The following CBFA2T2 variants were observed in gnomAD, a reference collection of about 807,000 sequenced individuals.
CBFA2T2 encodes protein CBFA2T2.
A neutral mutation model predicts 62.2 loss-of-function variants in CBFA2T2; 11 were observed. That is an observed-to-expected ratio of 0.18 (90% CI 0.11 to 0.29). CBFA2T2 has a LOEUF of 0.29. Among genes scored for constraint, CBFA2T2 ranks in the 10% least tolerant of loss-of-function variants. CBFA2T2 has a pLI of 1.00. For synonymous variants in CBFA2T2, 295 were observed against 287.5 expected (o/e 1.03, Z -0.27); for missense variants, 592 against 774.1 (o/e 0.76, Z 2.79).
intron 1 of CBFA2T2, among the ~76,000 whole-genome samples, chr20:33,530,050 G>A (rs902088238): frequency 6.6e-6 from 1 of 151,910 alleles, no homozygotes; most frequent in Non-Finnish European, 1.5e-5. Context: ...GCCTTCCAAA[G>A]TGCTGGGATT....
chr20:33,535,532 G>C (rs373934714), intron 1 of CBFA2T2, among the ~76,000 whole-genome samples: 1 of 151,092 alleles, frequency 6.6e-6, no homozygotes. Context: ...TGGCTTAGCT[G>C]TCCTGGGGTC....
chr20:33,611,433 T>C (rs1389594565), intron 3 of CBFA2T2, 98 bp downstream of exon 3: 2 of 1,397,596 alleles, frequency 1.4e-6, no homozygotes, highest in Non-Finnish European at 2.0e-6. Flanking sequence ...TTCAAACCCA[T>C]GGTCATATGG....
chr20:33,629,938 C>A, intron 8 of CBFA2T2, 24 bp downstream of exon 8: 1 of 1,571,510 alleles, frequency 6.4e-7, no homozygotes, highest in Admixed American at 2.0e-5. Flanking sequence ...CTACGGGAAA[C>A]CCAAAATAAA....
Position 33,644,960 on chromosome 20 carries a change from C to T in CBFA2T2, c.*314C>T. ...TTCAGTGTAGACCACCAGCTCCCCTCCCCATCTCCTTGAGTCAGCAGACTG... is the reference window on the plus strand; with the variant it reads ...TTCAGTGTAGACCACCAGCTCCCCTTCCCATCTCCTTGAGTCAGCAGACTG... On this transcript the variant is annotated 3_prime_UTR_variant, in exon 11 of 11. Coordinates refer to ENST00000342704, the MANE Select transcript of CBFA2T2 (RefSeq NM_001032999.3). 9.4e-6 allele frequency: 3 copies of T among 318,992 alleles called. No individual in the cohort carries two copies. Among genetic ancestry groups the T allele is most frequent in the Non-Finnish European group, 1.8e-5 (3 of 171,372 alleles). The allele number at this position is 318,992 out of a possible 1,614,324, so 19.8% of individuals were successfully genotyped here.
At chr20:33,507,990 G>C (rs1444270018) in intron 1 of CBFA2T2, among the ~76,000 whole-genome samples, 1 of 152,136 alleles carries the variant, frequency 6.6e-6, no homozygotes, top group Non-Finnish European at 1.5e-5. Flanking sequence ...AGGTTTATGA[G>C]TGTGAGGGGG....
At chr20:33,636,592 T>G (rs568569330) in intron 8 of CBFA2T2, 48 bp from the exon 9 acceptor site, 2 of 1,367,892 alleles carry the variant, frequency 1.5e-6, no homozygotes, top group South Asian at 2.4e-5. Context: ...ATAAAACTGC[T>G]GATCATAGAC....
Position 33,529,246 on chromosome 20 carries a change from T to C in CBFA2T2, c.34+38945T>C, listed in dbSNP as rs539436857. 3.3e-5 allele frequency among the ~76,000 whole-genome samples: 5 copies of C among 151,968 alleles called. No individual in the cohort carries two copies. The East Asian group carries it at 9.8e-4, about 30-fold the overall frequency. On this transcript the variant is annotated intron_variant, in intron 1 of 10. Transcript: ENST00000342704. ...TTCACTGTGTTAGCCAGGATGGTCT[T>C]GATCTCCTGACCTCGTGATCCGCCC...
intron 8 of CBFA2T2, among the ~76,000 whole-genome samples, chr20:33,633,930 T>C (rs1224427202): frequency 6.6e-6 from 1 of 152,234 alleles, no homozygotes; most frequent in Non-Finnish European, 1.5e-5. Context: ...TATGAACTGG[T>C]CAGCCATCTA....
At chr20:33,507,129 G>C (rs929528502) in intron 1 of CBFA2T2, among the ~76,000 whole-genome samples, 1 of 152,108 alleles carries the variant, frequency 6.6e-6, no homozygotes, top group Non-Finnish European at 1.5e-5. Flanking sequence ...ATACTAGAAG[G>C]TGGACTATAA....
chr20:33,592,317 C>A (rs953902643), intron 1 of CBFA2T2, among the ~76,000 whole-genome samples: 3 of 150,570 alleles, frequency 2.0e-5, no homozygotes, highest in African/African-American at 7.3e-5. Flanking sequence ...GAGCCAAGAT[C>A]ATGTCACTGC....
chr20:33,552,422 A>G (rs1403454338), intron 1 of CBFA2T2, among the ~76,000 whole-genome samples: 1 of 152,194 alleles, frequency 6.6e-6, no homozygotes, highest in African/African-American at 2.4e-5. Flanking sequence ...TAATTGGCTT[A>G]GTAATTGAAT....
intron 3 of CBFA2T2, among the ~76,000 whole-genome samples, chr20:33,619,195 C>T (rs900258072): frequency 6.6e-6 from 1 of 151,950 alleles, no homozygotes; most frequent in African/African-American, 2.4e-5. Flanking sequence ...GACAACATAG[C>T]GAGACTGCAT....
chr20:33,607,077 A>G lies in CBFA2T2; in HGVS notation c.156A>G (p.Pro52=), dbSNP rs1196097512. ...CAATAAATCCTGGAGGACCGAGGCC[A>G]GTGTCCTTCACTCCTACTGCATGTG... ...LPPINPGGPR[P]VSFTPTALSN... Residue 52 remains proline, a synonymous_variant, in exon 2 of 11, where the codon CCA becomes CCG. Transcript: ENST00000342704. The G allele has an allele frequency of 3.1e-6, 5 of 1,613,904 alleles. No homozygotes were observed. The African/African-American group carries it at 6.7e-5, about 22-fold the overall frequency.
At chr20:33,514,005 A>G (rs954804101) in intron 1 of CBFA2T2, among the ~76,000 whole-genome samples, 9 of 147,956 alleles carry the variant, frequency 6.1e-5, no homozygotes, top group Non-Finnish European at 1.0e-4. Flanking sequence ...GGTTCCAGCA[A>G]TTCTCCTACC....
chr20:33,619,744 A>G, intron 4 of CBFA2T2, 138 bp downstream of exon 4: 1 of 585,224 alleles, frequency 1.7e-6, no homozygotes, highest in Middle Eastern at 4.7e-4. Flanking sequence ...GTCTGAGTGC[A>G]GTTAACAGAT....
intron 4 of CBFA2T2, among the ~76,000 whole-genome samples, chr20:33,622,040 A>G (rs1476279965): frequency 6.6e-6 from 1 of 152,234 alleles, no homozygotes; most frequent in African/African-American, 2.4e-5. Flanking sequence ...ATCATGGGAC[A>G]CATGTCAGCC....
intron 1 of CBFA2T2, among the ~76,000 whole-genome samples, chr20:33,584,810 G>A (rs2014293872): frequency 6.6e-6 from 1 of 152,198 alleles, no homozygotes; most frequent in Non-Finnish European, 1.5e-5. Context: ...TATAGAGCTT[G>A]AGCCACTGTT....
chr20:33,574,597 C>T (rs1023028762), intron 1 of CBFA2T2, among the ~76,000 whole-genome samples: 2 of 152,212 alleles, frequency 1.3e-5, no homozygotes, highest in Non-Finnish European at 2.9e-5. Context: ...TGCACTCCAG[C>T]CTGGGAAACG....
At chr20:33,520,751 C>T (rs997864597) in intron 1 of CBFA2T2, among the ~76,000 whole-genome samples, 1 of 151,928 alleles carries the variant, frequency 6.6e-6, no homozygotes, top group Admixed American at 6.6e-5. Context: ...GCCTTGGTGA[C>T]AGAGCAAGAC....
Sources: gnomAD v4.1 joint callset for allele counts (sites outside exome capture counted in the v4.1 genomes callset) on GRCh38, gnomAD v4.1.1 for gene constraint, MANE v1.5 for transcripts, NCBI Gene and HGNC (gene_info 2026-07-23, HGNC 2026-07-21) for gene names.